PCDH9: variants seen among roughly 807,000 people sequenced by gnomAD.
The protein encoded by PCDH9 is protocadherin-9.
PCDH9 carries 24 observed loss-of-function variants against 70.6 expected under a neutral mutation model. The observed-to-expected ratio is 0.34, with a 90% confidence interval of 0.25 to 0.48. The LOEUF (loss-of-function observed/expected upper bound fraction) is 0.48, where lower values mean the gene tolerates loss of function less well. Ranked by LOEUF, PCDH9 falls within the 20% of genes least tolerant of loss-of-function variation. The pLI, the probability that PCDH9 is intolerant of heterozygous loss-of-function variation, is 0.99. For synonymous variants in PCDH9, 562 were observed against 558.5 expected, an observed-to-expected ratio of 1.01 and a Z score of -0.09; for missense variants, 1,281 against 1,503.6, an observed-to-expected ratio of 0.85 and a Z score of 2.45.
intron 4 of PCDH9, among the ~76,000 whole-genome samples, chr13:66,425,599 C>CGGA (rs1444465542): frequency 1.1e-4 from 17 of 151,352 alleles, no homozygotes; most frequent in African/African-American, 4.1e-4. Flanking sequence ...TTTGTCCTAC[C>CGGA]GGAGTTCTCT....
Position 66,650,490 on chromosome 13 carries a change from C to T in PCDH9, c.3139-19079G>A, listed in dbSNP as rs575935157. 2.0e-5 allele frequency among the ~76,000 whole-genome samples: 3 copies of T among 151,962 alleles called. No individual in the cohort carries two copies. The South Asian group carries it at 6.2e-4, about 32-fold the overall frequency. On this transcript the variant is annotated intron_variant, in intron 3 of 4. Transcript: ENST00000377865. ...CAGATTTATAAAACAAATATTATTA[C>T]AGCTAAAGAAAGAGATAGACCTCAA...
chr13:67,100,556 G>T (rs1334377216), intron 2 of PCDH9, among the ~76,000 whole-genome samples: 2 of 152,164 alleles, frequency 1.3e-5, no homozygotes, highest in African/African-American at 4.8e-5. Context: ...GTTAACGCAA[G>T]AATTAATACT....
chr13:67,053,748 C>T (rs1014422093), intron 2 of PCDH9, among the ~76,000 whole-genome samples: 2 of 152,148 alleles, frequency 1.3e-5, no homozygotes, highest in Non-Finnish European at 2.9e-5. Flanking sequence ...ATACAGATGA[C>T]ACAATTTAAG....
intron 4 of PCDH9, among the ~76,000 whole-genome samples, chr13:66,558,585 T>A (rs1334500819): frequency 2.0e-5 from 3 of 151,944 alleles, no homozygotes; most frequent in East Asian, 1.9e-4. Context: ...GAAATTTTTT[T>A]AAAAAACCTT....
At chr13:67,153,810 A>G (rs987598803) in intron 2 of PCDH9, among the ~76,000 whole-genome samples, 1 of 152,220 alleles carries the variant, frequency 6.6e-6, no homozygotes, top group Non-Finnish European at 1.5e-5. Context: ...ATACATTTAC[A>G]GTCTAATAGG....
intron 4 of PCDH9, among the ~76,000 whole-genome samples, chr13:66,453,393 C>G (rs569802144): frequency 5.3e-4 from 80 of 152,284 alleles, no homozygotes; most frequent in African/African-American, 1.9e-3. Flanking sequence ...TACTAGAGGT[C>G]AAATGCATTT....
intron 2 of PCDH9, among the ~76,000 whole-genome samples, chr13:67,077,515 G>A (rs540269572): frequency 6.6e-6 from 1 of 152,168 alleles, no homozygotes. Flanking sequence ...ACTTGATATT[G>A]ATAATCTCAC....
chr13:67,126,432 C>T (rs1594546694), intron 2 of PCDH9, among the ~76,000 whole-genome samples: 3 of 152,146 alleles, frequency 2.0e-5, no homozygotes, highest in Admixed American at 2.0e-4. Context: ...GAATACTTCA[C>T]GAAGGTCTGT....
chr13:66,392,093 C>T (rs1033670873), intron 4 of PCDH9, among the ~76,000 whole-genome samples: 16 of 151,302 alleles, frequency 1.1e-4, no homozygotes, highest in Middle Eastern at 3.4e-3. Context: ...GAAGAAAGGG[C>T]GTTTGTCTTA....
At chr13:67,095,295 T>A (rs2086297766) in intron 2 of PCDH9, among the ~76,000 whole-genome samples, 1 of 152,172 alleles carries the variant, frequency 6.6e-6, no homozygotes, top group South Asian at 2.1e-4. Flanking sequence ...AGATTGTATG[T>A]TAACTATTAC....
intron 2 of PCDH9, chr13:67,201,077 C>A (rs933161169): frequency 4.6e-5 from 7 of 151,904 alleles, no homozygotes; most frequent in Non-Finnish European, 8.8e-5. Context: ...GAATGTTATC[C>A]TTAATATAAT....
chr13:66,839,652 T>G (rs2081082954), intron 3 of PCDH9, among the ~76,000 whole-genome samples: 1 of 152,192 alleles, frequency 6.6e-6, no homozygotes, highest in African/African-American at 2.4e-5. Flanking sequence ...TTATCAATCA[T>G]TTTTCAAAAA....
chr13:66,582,360 C>T (rs528466703), intron 4 of PCDH9, among the ~76,000 whole-genome samples: 5 of 152,182 alleles, frequency 3.3e-5, no homozygotes, highest in Admixed American at 1.3e-4. Context: ...AAAACAATGT[C>T]GGGCATGGTG....
Position 66,304,977 on chromosome 13 carries a change from T to C in PCDH9, c.3392A>G (p.Gln1131Arg). The C allele has an allele frequency of 6.2e-7, 1 of 1,613,064 alleles. No individual in the cohort carries two copies. The highest frequency in any genetic ancestry group is 8.5e-7 in the Non-Finnish European group (1 of 1,179,410). Residue 1131 changes from glutamine to arginine, a missense_variant, in exon 5 of 5, where the codon CAA (glutamine) becomes CGA (arginine). Transcript: ENST00000377865. Reference protein sequence around the residue: ...GLAEATEMCTQECLVLGHSDN... With the variant: ...GLAEATEMCTRECLVLGHSDN... ...AGAGTGACCCAAAACCAAGCACTCT[T>C]GAGTGCACATCTCTGTAGCTTCAGC... is the stretch of plus-strand genomic sequence containing the variant.
At chr13:66,675,225 CA>C (rs1471453414) in intron 3 of PCDH9, among the ~76,000 whole-genome samples, 4 of 152,092 alleles carry the variant, frequency 2.6e-5, no homozygotes, top group South Asian at 2.1e-4. Flanking sequence ...TCACTAAACA[CA>C]AGTGACAAAG....
intron 4 of PCDH9, among the ~76,000 whole-genome samples, chr13:66,566,012 G>T (rs1293656128): frequency 6.6e-6 from 1 of 152,174 alleles, no homozygotes; most frequent in Non-Finnish European, 1.5e-5. Flanking sequence ...AAGGAGGAGG[G>T]AGTGAGGATA....
At chr13:66,894,782 A>G (rs913707918) in intron 3 of PCDH9, among the ~76,000 whole-genome samples, 3 of 152,046 alleles carry the variant, frequency 2.0e-5, no homozygotes, top group Admixed American at 6.6e-5. Flanking sequence ...ATATATACAT[A>G]TACTTAAAAC....
At chr13:66,856,598 C>T (rs541389060) in intron 3 of PCDH9, among the ~76,000 whole-genome samples, 3 of 151,964 alleles carry the variant, frequency 2.0e-5, no homozygotes, top group African/African-American at 7.2e-5. Context: ...AATCAAGAGT[C>T]CCCATTAAAA....
intron 2 of PCDH9, among the ~76,000 whole-genome samples, chr13:66,926,245 T>C (rs573610309): frequency 3.3e-5 from 5 of 152,146 alleles, no homozygotes; most frequent in Non-Finnish European, 7.4e-5. Flanking sequence ...AACAGTACTT[T>C]ATGGTAATTG....
Sources: allele counts gnomAD v4.1 joint callset (sites outside exome capture counted in the v4.1 genomes callset), GRCh38; gene constraint gnomAD v4.1.1; transcripts MANE v1.5; gene names NCBI Gene and HGNC (gene_info 2026-07-23, HGNC 2026-07-21).